FNBP1: variants seen among roughly 807,000 people sequenced by gnomAD.
FNBP1 encodes formin binding protein 1.
A neutral mutation model predicts 90.6 loss-of-function variants in FNBP1; 26 were observed. The observed-to-expected ratio is 0.29, with a 90% confidence interval of 0.21 to 0.40. The LOEUF (loss-of-function observed/expected upper bound fraction) is 0.40. FNBP1 is among the 10% of genes least tolerant of loss of function. The pLI, the probability that FNBP1 is intolerant of heterozygous loss-of-function variation, is 1.00. For missense variants in FNBP1, 635 were observed against 768.0 expected (o/e 0.83, Z 2.05); for synonymous variants, 260 against 265.2 (o/e 0.98, Z 0.19).
chr9:129,967,766 G>C (rs1001794721), intron 4 of FNBP1, among the ~76,000 whole-genome samples: 1 of 152,124 alleles, frequency 6.6e-6, no homozygotes, highest in African/African-American at 2.4e-5. Context: ...TTGCAAAGGA[G>C]AAACACAAAA....
At position 129,925,007 on chromosome 9, in the gene FNBP1, CA is replaced by C; in HGVS notation, c.939del (p.Phe313LeufsTer22). 6.2e-7 allele frequency: 1 copy of C among 1,613,770 alleles called. No homozygotes were observed. The highest frequency in any genetic ancestry group is 8.5e-7 in the Non-Finnish European group (1 of 1,179,836). ...SRGEGKPDLK[F>X]GGKSKGKLWP... is the part of the protein sequence containing the mutation. ...CATAACTTTCCTTTGGATTTGCCAC[CA>C]AATTTGAGGTCTGGTTTGCCTTCTC... On this transcript the variant is annotated frameshift_variant, in exon 9 of 17. Transcript: ENST00000446176. LOFTEE classifies it high-confidence loss of function.
At chr9:129,986,067 C>G (rs972755274) in intron 2 of FNBP1, among the ~76,000 whole-genome samples, 6 of 150,840 alleles carry the variant, frequency 4.0e-5, no homozygotes. Context: ...ACCCGGGAGG[C>G]TGAGGTTGCA....
In FNBP1 at chr9:130,031,537, C is replaced by A. The variant is rs1328517720; in HGVS notation, c.24+11415G>T. On this transcript the variant is annotated intron_variant, in intron 1 of 16. Coordinates refer to ENST00000446176, the MANE Select transcript of FNBP1 (RefSeq NM_015033.3). This position sits in a 1 kb window ranked among gnomAD's most constrained non-coding sequence, Gnocchi z 4.2. ...CACCCTTCTGAACACCCCACTTCACCTGTAAAACTTACTAGTCCTTCAGGA... is the reference window on the plus strand; with the variant it reads ...CACCCTTCTGAACACCCCACTTCACATGTAAAACTTACTAGTCCTTCAGGA... Among the ~76,000 whole-genome samples the A allele has an allele frequency of 5.3e-5, 8 of 152,224 alleles. No homozygotes were observed. Among genetic ancestry groups the A allele is most frequent in the African/African-American group, 1.9e-4 (8 of 41,468 alleles).
the FNBP1 span, among the ~76,000 whole-genome samples, chr9:130,050,360 G>A: frequency 2.0e-5 from 3 of 152,122 alleles, no homozygotes; most frequent in East Asian, 1.9e-4. Context: ...CACTAGGGTC[G>A]TCAGGTTGAG....
intron 7 of FNBP1, among the ~76,000 whole-genome samples, chr9:129,927,769 C>G (rs566241855): frequency 6.9e-6 from 1 of 145,304 alleles, no homozygotes; most frequent in Admixed American, 6.9e-5. Flanking sequence ...CCCCCCTCCC[C>G]CCGCCACCAC....
intron 1 of FNBP1, among the ~76,000 whole-genome samples, chr9:130,039,654 C>A (rs1456573339): frequency 4.5e-5 from 6 of 133,008 alleles, no homozygotes; most frequent in African/African-American, 1.7e-4. Context: ...CCAGCCTGGG[C>A]AACAAGAGCG....
At chr9:130,012,006 C>G (rs2056674180) in intron 1 of FNBP1, among the ~76,000 whole-genome samples, 1 of 152,156 alleles carries the variant, frequency 6.6e-6, no homozygotes, top group African/African-American at 2.4e-5. Flanking sequence ...CTGACTTATT[C>G]TAAAGTTAAT....
chr9:129,936,596 A>T (rs914671944), intron 6 of FNBP1: 11 of 151,928 alleles, frequency 7.2e-5, no homozygotes, highest in African/African-American at 2.4e-4. Flanking sequence ...AAAAAAAAAA[A>T]ATTTTGCTGT....
chr9:129,974,267 G>T (rs1046085414), intron 4 of FNBP1, among the ~76,000 whole-genome samples: 3 of 152,048 alleles, frequency 2.0e-5, no homozygotes, highest in East Asian at 1.9e-4. Flanking sequence ...GCAGCCTGGG[G>T]ACCCCCCAGC....
intron 4 of FNBP1, among the ~76,000 whole-genome samples, chr9:129,973,116 C>A (rs974386556): frequency 6.6e-6 from 1 of 152,198 alleles, no homozygotes; most frequent in Non-Finnish European, 1.5e-5. Context: ...AAGCTTGCAT[C>A]CTTTCCTCTC....
rs538711311 is a variant in FNBP1, at chr9:129,890,361, G to A, written c.*178C>T. ...AGACTTGTCCCCCACGAGGTGGCCC[G>A]GGCTGGGCGGGAGGGCAGGGCCGCA... is the stretch of plus-strand genomic sequence containing the variant. On this transcript the variant is annotated 3_prime_UTR_variant, in exon 17 of 17. Transcript: ENST00000446176. This position sits in a 1 kb window ranked among gnomAD's most constrained non-coding sequence, Gnocchi z 5.8. 6.5e-6 allele frequency: 4 copies of A among 617,898 alleles called. No homozygotes were observed. The highest frequency in any genetic ancestry group is 4.4e-4 in the Middle Eastern group (1 of 2,298). The allele number at this position is 617,898 out of a possible 1,614,324, so 38.3% of individuals were successfully genotyped here. A position where few individuals can be genotyped will look rare whatever the true frequency, so the allele number is the denominator to read the frequency against.
intron 6 of FNBP1, among the ~76,000 whole-genome samples, chr9:129,935,178 C>T (rs916967630): frequency 3.4e-5 from 5 of 145,520 alleles, no homozygotes; most frequent in Non-Finnish European, 5.9e-5. Context: ...GACTGGAGTG[C>T]AGTGGCACCA....
chr9:130,004,817 G>A (rs189520733), intron 1 of FNBP1, among the ~76,000 whole-genome samples: 4 of 152,288 alleles, frequency 2.6e-5, no homozygotes, highest in Non-Finnish European at 5.9e-5. Context: ...TGTAATCCCA[G>A]CACTTTGGGA....
At chr9:129,925,966 T>C (rs913978643) in intron 8 of FNBP1, among the ~76,000 whole-genome samples, 4 of 151,770 alleles carry the variant, frequency 2.6e-5, no homozygotes, top group Non-Finnish European at 5.9e-5. Context: ...GAACTATTGT[T>C]TTCTGATTTT....
chr9:129,996,541 G>C (rs896669016), intron 1 of FNBP1, among the ~76,000 whole-genome samples: 1 of 152,182 alleles, frequency 6.6e-6, no homozygotes, highest in African/African-American at 2.4e-5. Context: ...GTAAGACGCA[G>C]CTATAATCTA....
At chr9:129,943,853 C>CGTGGTAT (rs2044734723) in intron 6 of FNBP1, among the ~76,000 whole-genome samples, 1 of 151,602 alleles carries the variant, frequency 6.6e-6, no homozygotes. Context: ...ATTAGCCGGG[C>CGTGGTAT]GTGGTATCGG....
chr9:129,985,961 C>CAAAA (rs898462142), intron 2 of FNBP1, among the ~76,000 whole-genome samples: 109 of 45,106 alleles, frequency 2.4e-3, no homozygotes, highest in South Asian at 4.2e-3. Flanking sequence ...AGCTCCATCT[C>CAAAA]AAAAAAAAAA....
chr9:129,922,195 A>T (rs2041218995), intron 10 of FNBP1, among the ~76,000 whole-genome samples: 1 of 152,240 alleles, frequency 6.6e-6, no homozygotes, highest in Non-Finnish European at 1.5e-5. Flanking sequence ...GAAGGCTTAG[A>T]CTAGACTGGC....
intron 1 of FNBP1, among the ~76,000 whole-genome samples, chr9:130,040,978 TTTTTTTC>T (rs200038329): frequency 0.022 from 3,251 of 150,694 alleles, 120 homozygotes; most frequent in African/African-American, 0.073. Flanking sequence ...CCATTTATTA[TTTTTTTC>T]TTTTTTCTTT....
Sources: gnomAD v4.1 joint callset for allele counts (sites outside exome capture counted in the v4.1 genomes callset) on GRCh38, gnomAD v4.1.1 for gene constraint, Gnocchi (gnomAD v3.1) non-coding constraint, MANE v1.5 for transcripts, NCBI Gene and HGNC (gene_info 2026-07-23, HGNC 2026-07-21) for gene names.